Variants in XPOT observed in about 807,000 individuals in gnomAD.
The protein encoded by XPOT is exportin for tRNA.
A neutral mutation model predicts 128.2 loss-of-function variants in XPOT; 34 were observed. That is an observed-to-expected ratio of 0.27 (90% CI 0.20 to 0.35). The LOEUF is 0.35. Ranked by LOEUF, XPOT falls within the 10% of genes least tolerant of loss-of-function variation. The pLI is 1.00. For synonymous variants in XPOT, 348 were observed against 394.3 expected (o/e 0.88, Z 1.39); for missense variants, 838 against 1,125.3 (o/e 0.74, Z 3.65).
chr12:64,418,706 G>GATAATTTTGATAATCATAATTATCAAA (rs556871671), intron 5 of XPOT, among the ~76,000 whole-genome samples, 170 bp from the exon 6 acceptor site: 14 of 152,016 alleles, frequency 9.2e-5, no homozygotes, highest in East Asian at 7.7e-4. Context: ...AAATACTTTT[G>GATAATTTTGATAATCATAATTATCAAA]ATAATTTTGA....
chr12:64,438,920 C>T lies in XPOT; in HGVS notation c.2734-324C>T, dbSNP rs2136035818. Among the ~76,000 whole-genome samples, 3 of 152,288 alleles carry T rather than the reference C, an allele frequency of 2.0e-5. No individual in the cohort carries two copies. The South Asian group carries it at 6.2e-4, about 32-fold the overall frequency. On this transcript the variant is annotated intron_variant, in intron 22 of 24. Transcript: ENST00000332707. Reference sequence around the variant, plus strand: ...CTGGGATTACAGGCATGAGCCACTGCACCCGGCCAAGAACCTTATTTTTCA... The same window carrying T: ...CTGGGATTACAGGCATGAGCCACTGTACCCGGCCAAGAACCTTATTTTTCA...
At chr12:64,414,863 G>A in intron 2 of XPOT, 44 bp from the exon 3 acceptor site, 1 of 1,226,796 alleles carries the variant, frequency 8.2e-7, no homozygotes, top group Non-Finnish European at 1.2e-6. Context: ...AGGGCATTGA[G>A]ATTGTTTATT....
At chr12:64,405,956 G>A (rs941369299) in intron 1 of XPOT, among the ~76,000 whole-genome samples, 8 of 152,038 alleles carry the variant, frequency 5.3e-5, no homozygotes, top group South Asian at 2.1e-4. Context: ...TCTATGTGGG[G>A]GATTCTTTCT....
At position 64,420,525 on chromosome 12, in the gene XPOT, G is replaced by A. The variant is rs2040128770; in HGVS notation, c.843+4G>A. ...TGGGTTTTTCAGCATTGACCAGGTT[G>A]GTAAATTTATATAAAACATTGTATG... On this transcript the variant is annotated splice_donor_region_variant and intron_variant, in intron 8 of 24. Coordinates refer to ENST00000332707, the MANE Select transcript of XPOT (RefSeq NM_007235.6). 13 of 1,600,322 alleles carry A rather than the reference G, an allele frequency of 8.1e-6. No individual in the cohort carries two copies. The highest frequency in any genetic ancestry group is 1.3e-5 in the African/African-American group (1 of 74,200).
intron 23 of XPOT, among the ~76,000 whole-genome samples, 172 bp from the exon 24 acceptor site, chr12:64,444,903 T>G (rs1170729542): frequency 6.6e-6 from 1 of 150,552 alleles, no homozygotes; most frequent in Non-Finnish European, 1.5e-5. Context: ...AGCCTAGGAG[T>G]TGGAGGCTAC....
chr12:64,431,875 A>C (rs1354739231), intron 18 of XPOT, 52 bp downstream of exon 18: 1 of 1,550,464 alleles, frequency 6.4e-7, no homozygotes, highest in South Asian at 1.2e-5. Context: ...AGATGTATTT[A>C]TCTTCAGACA....
At chr12:64,425,254 G>T in intron 13 of XPOT, 72 bp downstream of exon 13, 1 of 1,608,602 alleles carries the variant, frequency 6.2e-7, no homozygotes, top group Admixed American at 1.7e-5. Context: ...TTCCTTAATT[G>T]TTAGAGCTTA....
At chr12:64,435,492 C>T (rs1438619889) in intron 21 of XPOT, 135 bp from the exon 22 acceptor site, 1 of 640,500 alleles carries the variant, frequency 1.6e-6, no homozygotes, top group East Asian at 3.4e-5. Flanking sequence ...TTCCTCTATC[C>T]CTTCTCTGGA....
chr12:64,437,115 G>C (rs1220832321), intron 22 of XPOT, among the ~76,000 whole-genome samples: 2 of 151,998 alleles, frequency 1.3e-5, no homozygotes, highest in Non-Finnish European at 2.9e-5. Context: ...TTGATTTTTT[G>C]ATTCTGATAG....
intron 15 of XPOT, among the ~76,000 whole-genome samples, chr12:64,427,760 A>G (rs1333856702): frequency 6.6e-6 from 1 of 152,160 alleles, no homozygotes; most frequent in African/African-American, 2.4e-5. Flanking sequence ...ACGTGTTGGG[A>G]TTACAGAAAT....
intron 6 of XPOT, 36 bp from the exon 7 acceptor site, chr12:64,420,034 G>A (rs776960446): frequency 1.3e-6 from 2 of 1,516,814 alleles, no homozygotes; most frequent in South Asian, 1.4e-5. Flanking sequence ...GATTTTGTAA[G>A]GTAATCTACT....
Position 64,448,172 on chromosome 12 carries a change from C to T in XPOT, c.*41C>T. 6.2e-7 allele frequency: 1 copy of T among 1,606,440 alleles called. No homozygotes were observed. The highest frequency in any genetic ancestry group is 1.7e-5 in the Admixed American group (1 of 59,996). ...GTGCCTACTTCATGATCATGAATTC[C>T]AGTTAATTTATAAAGAGGCGATTTT... On this transcript the variant is annotated 3_prime_UTR_variant, in exon 25 of 25. Coordinates refer to ENST00000332707, the MANE Select transcript of XPOT (RefSeq NM_007235.6).
chr12:64,445,105 G>A lies in XPOT; in HGVS notation c.2836G>A (p.Ala946Thr), dbSNP rs75646376. 2 of 1,609,736 alleles carry A rather than the reference G, an allele frequency of 1.2e-6. No homozygotes were observed. The highest frequency in any genetic ancestry group is 1.1e-5 in the South Asian group (1 of 90,248). Residue 946 changes from alanine (A) to threonine (T), a missense_variant, in exon 24 of 25, where the codon GCT (alanine) becomes ACT (threonine). Ala to Thr is a moderately conservative substitution (Grantham distance 58, BLOSUM62 0). Transcript: ENST00000332707. ...TTGTCAAGCGCTTCAGCAGCCTGAT[G>A]CTAAAGTTTTTAAAAATTACTTAAA... ...EFCQALQQPD[A>T]KVFKNYLKVF...
At chr12:64,407,272 A>G (rs759627963) in intron 1 of XPOT, among the ~76,000 whole-genome samples, 6 of 151,990 alleles carry the variant, frequency 3.9e-5, no homozygotes, top group Admixed American at 6.6e-5. Context: ...ATCACCTGAG[A>G]TTAGGGGTTC....
At chr12:64,438,119 T>C (rs1229037738) in intron 22 of XPOT, among the ~76,000 whole-genome samples, 1 of 152,206 alleles carries the variant, frequency 6.6e-6, no homozygotes, top group Non-Finnish European at 1.5e-5. Context: ...GGATGAAGGA[T>C]GAAAGGAAAC....
At chr12:64,422,838 G>T (rs1047029614) in intron 9 of XPOT, among the ~76,000 whole-genome samples, 167 bp from the exon 10 acceptor site, 2 of 145,876 alleles carry the variant, frequency 1.4e-5, no homozygotes, top group Admixed American at 1.4e-4. Flanking sequence ...GGGAGTTGGG[G>T]GTTGCAGTGA....
chr12:64,446,680 A>T (rs1035753755), intron 24 of XPOT, among the ~76,000 whole-genome samples: 1 of 151,788 alleles, frequency 6.6e-6, no homozygotes, highest in African/African-American at 2.4e-5. Context: ...TTCTTGCAGA[A>T]ATGGTCTTTA....
intron 15 of XPOT, among the ~76,000 whole-genome samples, chr12:64,426,712 G>T (rs1034278085): frequency 1.6e-4 from 25 of 152,224 alleles, no homozygotes; most frequent in African/African-American, 5.5e-4. Context: ...GCCTGGCGCG[G>T]TGGCCCACGC....
intron 14 of XPOT, 62 bp downstream of exon 14, chr12:64,425,519 A>G: frequency 6.3e-7 from 1 of 1,576,150 alleles, no homozygotes; most frequent in South Asian, 1.2e-5. Context: ...ATAGTGTAGT[A>G]TTGTATTTTT....
Sources: gnomAD v4.1 joint callset for allele counts (sites outside exome capture counted in the v4.1 genomes callset) on GRCh38, gnomAD v4.1.1 for gene constraint, MANE v1.5 for transcripts, NCBI Gene and HGNC (gene_info 2026-07-23, HGNC 2026-07-21) for gene names.